NRG3: variants seen among roughly 807,000 people sequenced by gnomAD.
The protein encoded by NRG3 is pro-neuregulin-3, membrane-bound isoform.
Under a neutral mutation model 66.9 loss-of-function variants are expected in NRG3, and 31 were observed. That is an observed-to-expected ratio of 0.46 (90% CI 0.35 to 0.63). NRG3 has a LOEUF of 0.63. NRG3 is among the 20% of genes least tolerant of loss of function. The pLI is 0.00. For synonymous variants in NRG3, 393 were observed against 359.4 expected, an observed-to-expected ratio of 1.09 and a Z score of -1.06; for missense variants, 910 against 878.9, an observed-to-expected ratio of 1.04 and a Z score of -0.45.
At chr10:82,210,512 G>T (rs532286984) in intron 1 of NRG3, among the ~76,000 whole-genome samples, 30 of 152,182 alleles carry the variant, frequency 2.0e-4, no homozygotes, top group Non-Finnish European at 3.4e-4. Flanking sequence ...GTGCGAAAGA[G>T]AAGATTTCAA....
intron 4 of NRG3, among the ~76,000 whole-genome samples, chr10:82,890,772 G>A (rs1051607466): frequency 1.3e-5 from 2 of 152,076 alleles, no homozygotes; most frequent in African/African-American, 2.4e-5. Flanking sequence ...CTTGAATTGC[G>A]TAAGACGTTC....
intron 2 of NRG3, among the ~76,000 whole-genome samples, chr10:82,559,095 G>A (rs575224147): frequency 1.6e-4 from 24 of 151,970 alleles, no homozygotes; most frequent in South Asian, 8.3e-4. Context: ...TCATAAAATC[G>A]TATTATTACT....
intron 1 of NRG3, among the ~76,000 whole-genome samples, chr10:82,188,643 G>T (rs2073954505): frequency 1.3e-5 from 2 of 152,042 alleles, no homozygotes; most frequent in African/African-American, 2.4e-5. Context: ...ATGGGCAAAA[G>T]ATTTGAATAA....
intron 4 of NRG3, among the ~76,000 whole-genome samples, chr10:82,886,944 T>C (rs1842770683): frequency 6.6e-6 from 1 of 152,220 alleles, no homozygotes; most frequent in African/African-American, 2.4e-5. Context: ...CAATTAGCCT[T>C]GAGGCTTAAT....
intron 2 of NRG3, among the ~76,000 whole-genome samples, chr10:82,376,366 C>T (rs1277994555): frequency 6.6e-6 from 1 of 152,212 alleles, no homozygotes; most frequent in African/African-American, 2.4e-5. Context: ...AGAATCCCTG[C>T]TCTACTCTTC....
At chr10:82,085,581 C>A (rs1176381424) in intron 1 of NRG3, among the ~76,000 whole-genome samples, 1 of 152,010 alleles carries the variant, frequency 6.6e-6, no homozygotes. Context: ...TTATTAGGAA[C>A]CCCCTTCTTT....
intron 2 of NRG3, among the ~76,000 whole-genome samples, chr10:82,559,717 A>G (rs1327953307): frequency 6.6e-6 from 1 of 152,226 alleles, no homozygotes; most frequent in Non-Finnish European, 1.5e-5. Context: ...TTACAAATAT[A>G]AAATCATTTT....
At chr10:82,084,536 A>G (rs1339313856) in intron 1 of NRG3, among the ~76,000 whole-genome samples, 1 of 148,210 alleles carries the variant, frequency 6.7e-6, no homozygotes, top group South Asian at 2.1e-4. Flanking sequence ...AGAGAACTCT[A>G]CATGAATCAG....
At chr10:82,911,463 T>G (rs948080840) in intron 4 of NRG3, among the ~76,000 whole-genome samples, 7 of 152,136 alleles carry the variant, frequency 4.6e-5, no homozygotes, top group South Asian at 2.1e-4. Context: ...TATCTACTTC[T>G]GGTTTTTGTA....
intron 1 of NRG3, among the ~76,000 whole-genome samples, chr10:82,019,452 AAAAT>A (rs548865214): frequency 0.013 from 2,044 of 152,260 alleles, 43 homozygotes; most frequent in African/African-American, 0.047. Flanking sequence ...CTGGCCTCAT[AAAAT>A]GAGTTAGGGA....
chr10:82,473,359 G>A (rs958999447), intron 2 of NRG3, among the ~76,000 whole-genome samples: 3 of 152,170 alleles, frequency 2.0e-5, no homozygotes, highest in Non-Finnish European at 4.4e-5. Flanking sequence ...CCAGCGTCAT[G>A]GAGAGGTATA....
At chr10:82,856,743 C>CAAAA (rs371581250) in intron 3 of NRG3, among the ~76,000 whole-genome samples, 45 of 66,304 alleles carry the variant, frequency 6.8e-4, no homozygotes, top group African/African-American at 2.2e-3. Flanking sequence ...GACTCTGTCT[C>CAAAA]AAAAAAAAAA....
At chr10:82,747,219 T>C (rs1315536435) in intron 3 of NRG3, among the ~76,000 whole-genome samples, 3 of 152,074 alleles carry the variant, frequency 2.0e-5, no homozygotes, top group African/African-American at 7.2e-5. Flanking sequence ...TAAACTATTC[T>C]TTTATATTCT....
intron 1 of NRG3, among the ~76,000 whole-genome samples, chr10:82,008,578 G>C (rs2061461070): frequency 6.6e-6 from 1 of 152,112 alleles, no homozygotes; most frequent in Non-Finnish European, 1.5e-5. Context: ...AATGGATGTT[G>C]GTACAGAGCT....
intron 1 of NRG3, among the ~76,000 whole-genome samples, chr10:82,252,470 C>T (rs757589834): frequency 2.6e-5 from 4 of 152,070 alleles, no homozygotes; most frequent in Non-Finnish European, 2.9e-5. Flanking sequence ...ACTTTCCATG[C>T]CTACTTCTAT....
At chr10:82,681,885 G>A (rs1565197501) in intron 2 of NRG3, among the ~76,000 whole-genome samples, 1 of 152,168 alleles carries the variant, frequency 6.6e-6, no homozygotes. Flanking sequence ...TAATACACCA[G>A]TGCTTGGTAA....
At chr10:82,961,822 G>A (rs914406722) in intron 6 of NRG3, among the ~76,000 whole-genome samples, 8 of 152,248 alleles carry the variant, frequency 5.3e-5, no homozygotes, top group Non-Finnish European at 8.8e-5. Context: ...GCTTCCCACC[G>A]CAGGCATTTA....
intron 2 of NRG3, among the ~76,000 whole-genome samples, chr10:82,686,576 C>T (rs933655776): frequency 6.6e-6 from 1 of 152,168 alleles, no homozygotes; most frequent in African/African-American, 2.4e-5. Flanking sequence ...CAGTGCACTA[C>T]AACATCGTGA....
intron 2 of NRG3, among the ~76,000 whole-genome samples, chr10:82,707,034 T>TA (rs1034366454): frequency 2.7e-5 from 4 of 147,424 alleles, no homozygotes; most frequent in African/African-American, 9.9e-5. Flanking sequence ...TATATATATA[T>TA]ATATGTATAT....
Sources: allele counts gnomAD v4.1 joint callset (sites outside exome capture counted in the v4.1 genomes callset), GRCh38; gene constraint gnomAD v4.1.1; transcripts MANE v1.5; gene names NCBI Gene and HGNC (gene_info 2026-07-23, HGNC 2026-07-21).